DIRAS2: variants seen among roughly 807,000 people sequenced by gnomAD.
The protein encoded by DIRAS2 is DIRAS family GTPase 2.
In DIRAS2, 5 loss-of-function variants were observed where a neutral mutation model predicts 13.9. That is an observed-to-expected ratio of 0.36 (90% confidence interval 0.19 to 0.76). The LOEUF is 0.76. DIRAS2 is among the 30% of genes least tolerant of loss of function. The pLI is 0.53. For synonymous variants in DIRAS2, 111 were observed against 105.4 expected, an observed-to-expected ratio of 1.05 and a Z score of -0.33; for missense variants, 191 against 263.0, an observed-to-expected ratio of 0.73 and a Z score of 1.89.
In DIRAS2 at chr9:90,613,335, G is replaced by A. The variant is rs761914641; in HGVS notation, c.493C>T (p.Leu165=). The change falls in exon 2 of 2, where the codon CTG becomes TTG. Residue 165 remains leucine, a synonymous_variant. Transcript: ENST00000375765. This position sits in a 1 kb window ranked among gnomAD's most constrained non-coding sequence, Gnocchi z 5.6. ...NHNVKELFQE[L]LNLEKRRTVS... is the part of the protein sequence containing the mutation. The stretch of plus-strand genomic sequence containing the variant: ...GTCCTGCGCTTCTCCAGGTTGAGCA[G>A]CTCCTGGAAAAGCTCCTTCACGTTA... The A allele has an allele frequency of 9.9e-6, 16 of 1,613,928 alleles. No homozygotes were observed. The highest frequency in any genetic ancestry group is 5.3e-5 in the African/African-American group (4 of 74,878).
At chr9:90,637,554 G>C (rs1018589619) in intron 1 of DIRAS2, among the ~76,000 whole-genome samples, 2 of 152,110 alleles carry the variant, frequency 1.3e-5, no homozygotes, top group African/African-American at 4.8e-5. Flanking sequence ...TGCATAATAT[G>C]GTGTATTATC....
At chr9:90,642,305 C>T (rs559336253) in intron 1 of DIRAS2, among the ~76,000 whole-genome samples, 3 of 152,334 alleles carry the variant, frequency 2.0e-5, no homozygotes, top group African/African-American at 7.2e-5. Flanking sequence ...AGACAGGTCT[C>T]GGCCAAGCGC....
chr9:90,623,387 C>A (rs1825237614), intron 1 of DIRAS2, among the ~76,000 whole-genome samples: 1 of 152,006 alleles, frequency 6.6e-6, no homozygotes, highest in African/African-American at 2.4e-5. Context: ...TTTTCTTGAA[C>A]TTGGTTGAGC....
chr9:90,614,156 C>T (rs756509432), intron 1 of DIRAS2, among the ~76,000 whole-genome samples: 1 of 152,138 alleles, frequency 6.6e-6, no homozygotes, highest in Non-Finnish European at 1.5e-5. Flanking sequence ...GCCCGAGAGA[C>T]AGCACCAAGG....
chr9:90,629,145 C>T (rs1171385480), intron 1 of DIRAS2, among the ~76,000 whole-genome samples: 1 of 152,226 alleles, frequency 6.6e-6, no homozygotes, highest in Non-Finnish European at 1.5e-5. Flanking sequence ...TGAGCCACCA[C>T]GCCTGGCCAA....
At chr9:90,619,256 A>G (rs1460425219) in intron 1 of DIRAS2, among the ~76,000 whole-genome samples, 1 of 152,132 alleles carries the variant, frequency 6.6e-6, no homozygotes, top group African/African-American at 2.4e-5. Context: ...CCTGGCCAAC[A>G]TGGTGAAACC....
At chr9:90,633,699 T>C (rs1416683459) in intron 1 of DIRAS2, among the ~76,000 whole-genome samples, 1 of 152,220 alleles carries the variant, frequency 6.6e-6, no homozygotes, top group Admixed American at 6.5e-5. Context: ...GCAGTGGATC[T>C]GCTTTTGTGA....
At chr9:90,640,697 G>C (rs928058051) in intron 1 of DIRAS2, among the ~76,000 whole-genome samples, 4 of 152,234 alleles carry the variant, frequency 2.6e-5, no homozygotes, top group Non-Finnish European at 5.9e-5. Flanking sequence ...TGAGAATTGG[G>C]GATGGTTGTT....
At chr9:90,633,520 C>T (rs1451896608) in intron 1 of DIRAS2, among the ~76,000 whole-genome samples, 1 of 152,124 alleles carries the variant, frequency 6.6e-6, no homozygotes, top group Admixed American at 6.5e-5. Context: ...GATACATGTC[C>T]AGGGCTAGCT....
At chr9:90,626,602 A>G (rs888397737) in intron 1 of DIRAS2, among the ~76,000 whole-genome samples, 3 of 152,212 alleles carry the variant, frequency 2.0e-5, no homozygotes, top group Non-Finnish European at 4.4e-5. Flanking sequence ...ACCCACTAGA[A>G]TGGCTGTTTT....
chr9:90,640,714 A>T (rs762128986), intron 1 of DIRAS2, among the ~76,000 whole-genome samples: 15 of 152,186 alleles, frequency 9.9e-5, no homozygotes, highest in Non-Finnish European at 1.6e-4. Flanking sequence ...TGTTATCTGA[A>T]TTGAAAGTTG....
At chr9:90,629,210 A>G (rs1383299996) in intron 1 of DIRAS2, among the ~76,000 whole-genome samples, 3 of 152,236 alleles carry the variant, frequency 2.0e-5, no homozygotes, top group Non-Finnish European at 4.4e-5. Flanking sequence ...TGTGGTTACT[A>G]CAAATACAAA....
chr9:90,626,734 A>G (rs1825273252), intron 1 of DIRAS2, among the ~76,000 whole-genome samples: 1 of 152,366 alleles, frequency 6.6e-6, no homozygotes, highest in South Asian at 2.1e-4. Flanking sequence ...GAATTACTGT[A>G]TGATCCAGCA....
intron 1 of DIRAS2, among the ~76,000 whole-genome samples, chr9:90,636,519 G>A (rs1564023161): frequency 6.6e-6 from 1 of 152,178 alleles, no homozygotes; most frequent in Non-Finnish European, 1.5e-5. Context: ...CTACAATGTG[G>A]TAACTTCATT....
chr9:90,640,618 T>C lies in DIRAS2; in HGVS notation c.-37+2134A>G, dbSNP rs140196948. On this transcript the variant is annotated intron_variant, in intron 1 of 1. Coordinates refer to ENST00000375765, the MANE Select transcript of DIRAS2 (RefSeq NM_017594.5). Reference sequence around the variant, plus strand: ...AATCAGTTCTGCTCTTAAAAAGACATCTGTCCACTGTCAATACTTATACCA... The same window carrying C: ...AATCAGTTCTGCTCTTAAAAAGACACCTGTCCACTGTCAATACTTATACCA... 1.2e-3 allele frequency among the ~76,000 whole-genome samples: 179 copies of C among 152,356 alleles called. 1 individual carries two copies. The highest frequency in any genetic ancestry group is 4.2e-3 in the African/African-American group (176 of 41,586).
chr9:90,610,618 T>C lies in DIRAS2; in HGVS notation c.*2610A>G. ...AGCTACATATTTGGGAATGGAAACG[T>C]ACAAATGCTTTAAAAAAATCTAATT... On this transcript the variant is annotated 3_prime_UTR_variant, in exon 2 of 2. Transcript: ENST00000375765. 2.6e-6 allele frequency: 1 copy of C among 390,982 alleles called. No individual in the cohort carries two copies. 24.2% of individuals were successfully genotyped at this position (390,982 alleles called of 1,614,324 possible). A position where few individuals can be genotyped will look rare whatever the true frequency, so the allele number is the denominator to read the frequency against.
At position 90,630,075 on chromosome 9, in the gene DIRAS2, T is replaced by C. The variant is rs1035171752; in HGVS notation, c.-37+12677A>G. Reference sequence around the variant, plus strand: ...TTTATGCACTTACCTCTGTTCTTTTTCTCTCTCTCTCTCCTACTCCCTACT... The same window carrying C: ...TTTATGCACTTACCTCTGTTCTTTTCCTCTCTCTCTCTCCTACTCCCTACT... On this transcript the variant is annotated intron_variant, in intron 1 of 1. Coordinates refer to ENST00000375765, the MANE Select transcript of DIRAS2 (RefSeq NM_017594.5). Among the ~76,000 whole-genome samples the C allele has an allele frequency of 4.6e-5, 7 of 152,056 alleles. No individual in the cohort carries two copies. In the South Asian group the frequency reaches 8.3e-4, roughly 18 times the overall value.
At chr9:90,620,140 G>A (rs912171432) in intron 1 of DIRAS2, among the ~76,000 whole-genome samples, 6 of 152,144 alleles carry the variant, frequency 3.9e-5, no homozygotes, top group Admixed American at 1.3e-4. Context: ...AAAACCCTGC[G>A]AATGTACTAA....
At chr9:90,631,219 G>C (rs953441413) in intron 1 of DIRAS2, among the ~76,000 whole-genome samples, 5 of 152,156 alleles carry the variant, frequency 3.3e-5, no homozygotes, top group Non-Finnish European at 7.3e-5. Context: ...GGGTTCTTCT[G>C]GCAGAGAGAG....
Sources: allele counts gnomAD v4.1 joint callset (sites outside exome capture counted in the v4.1 genomes callset), GRCh38; gene constraint gnomAD v4.1.1; non-coding constraint Gnocchi (gnomAD v3.1); transcripts MANE v1.5; gene names NCBI Gene and HGNC (gene_info 2026-07-23, HGNC 2026-07-21).